The following COL9A3 variants were observed in gnomAD, a reference collection of about 807,000 sequenced individuals.
COL9A3 encodes the protein collagen alpha-3(IX) chain.
A neutral mutation model predicts 110.2 loss-of-function variants in COL9A3; 82 were observed. That is an observed-to-expected ratio of 0.74 (90% CI 0.62 to 0.89). The LOEUF (loss-of-function observed/expected upper bound fraction) is 0.89, where lower values mean the gene tolerates loss of function less well. COL9A3 is among the 40% of genes least tolerant of loss of function. The pLI is 0.00. For synonymous variants in COL9A3, 494 were observed against 403.8 expected, an observed-to-expected ratio of 1.22 and a Z score of -2.68; for missense variants, 1,066 against 981.3, an observed-to-expected ratio of 1.09 and a Z score of -1.15.
At position 62,832,140 on chromosome 20, in the gene COL9A3, C is replaced by G; in HGVS notation, c.1288-14C>G. On this transcript the variant is annotated splice_polypyrimidine_tract_variant and intron_variant, in intron 24 of 31. Transcript: ENST00000649368. ...TGCCATTCCTCTAATCCAGAGCCTT[C>G]TCTCCACATCCAGGGTCCGGGAGGT... 2 of 1,612,432 alleles carry G rather than the reference C, an allele frequency of 1.2e-6. No individual in the cohort carries two copies. Among genetic ancestry groups the G allele is most frequent in the Non-Finnish European group, 1.7e-6 (2 of 1,179,234 alleles).
Position 62,829,819 on chromosome 20 carries a change from G to A in COL9A3, c.1161G>A (p.Ala387=), listed in dbSNP as rs770709536. The A allele has an allele frequency of 5.6e-5, 88 of 1,566,992 alleles. No individual in the cohort carries two copies. Among genetic ancestry groups the A allele is most frequent in the Non-Finnish European group, 6.0e-5 (69 of 1,157,244 alleles). Reference sequence around the variant, plus strand: ...GTGAGGCTGGCCACCGGGGCTCAGCGGTGAGTGCAGGGACATGGCCCGGGG... The same window carrying A: ...GTGAGGCTGGCCACCGGGGCTCAGCAGTGAGTGCAGGGACATGGCCCGGGG... ...ERGEAGHRGS[A]GALGPQGPPG... is the part of the protein sequence containing the mutation. The change falls in exon 22 of 32, where the codon GCG becomes GCA. Residue 387 remains alanine (A), a splice_region_variant and synonymous_variant. Coordinates refer to ENST00000649368, the MANE Select transcript of COL9A3 (RefSeq NM_001853.4).
intron 10 of COL9A3, 95 bp from the exon 11 acceptor site, chr20:62,824,350 G>A: frequency 1.5e-6 from 2 of 1,325,634 alleles, no homozygotes; most frequent in South Asian, 1.3e-5. Context: ...TCACCGTGCA[G>A]AGTGGCCTCC....
At chr20:62,837,530 TG>T (rs1032394797) in intron 30 of COL9A3, among the ~76,000 whole-genome samples, 29 of 152,110 alleles carry the variant, frequency 1.9e-4, no homozygotes, top group Admixed American at 1.3e-4. Flanking sequence ...TGACGAAGGC[TG>T]GGCGCGGTGG....
At chr20:62,838,887 G>C (rs2063654492) in intron 31 of COL9A3, 126 bp downstream of exon 31, 1 of 818,082 alleles carries the variant, frequency 1.2e-6, no homozygotes, top group Non-Finnish European at 2.1e-6. Context: ...AGCAGTCTTA[G>C]AGACAAGATT....
intron 10 of COL9A3, among the ~76,000 whole-genome samples, chr20:62,823,644 G>A (rs1361986102): frequency 1.3e-5 from 2 of 152,236 alleles, no homozygotes; most frequent in Non-Finnish European, 2.9e-5. Flanking sequence ...CTGAAGATAC[G>A]GGTCTGCACC....
At chr20:62,836,110 G>A (rs775219484) in intron 27 of COL9A3, 77 bp from the exon 28 acceptor site, 172 of 1,604,402 alleles carry the variant, frequency 1.1e-4, no homozygotes, top group Admixed American at 3.4e-4. Flanking sequence ...GCTCCGTGCC[G>A]GCTGGGAAAG....
chr20:62,822,478 G>A, intron 9 of COL9A3, 113 bp from the exon 10 acceptor site: 1 of 1,176,250 alleles, frequency 8.5e-7, no homozygotes, highest in South Asian at 1.2e-5. Flanking sequence ...GGGTCTCCAA[G>A]TCCCCTGGTG....
intron 12 of COL9A3, chr20:62,825,572 G>A (rs2063545777): frequency 8.4e-6 from 5 of 598,082 alleles, no homozygotes; most frequent in Non-Finnish European, 1.5e-5. Flanking sequence ...GAGGGGCCTG[G>A]ACAGGGCTGA....
rs1328303757 is a variant in COL9A3 at position 62,826,194 on chromosome 20, T to A, written c.685-10T>A. On this transcript the variant is annotated splice_polypyrimidine_tract_variant and intron_variant, in intron 13 of 31. Transcript: ENST00000649368. ...GCCCCAGCCTCTGCATCTGTGCCTCTCTCTCGCAGGGCCCCCGGGGATTAC... is the reference window on the plus strand; with the variant it reads ...GCCCCAGCCTCTGCATCTGTGCCTCACTCTCGCAGGGCCCCCGGGGATTAC... 1 of 1,558,460 alleles carries A rather than the reference T, an allele frequency of 6.4e-7. No homozygotes were observed. The highest frequency in any genetic ancestry group is 8.7e-7 in the Non-Finnish European group (1 of 1,151,792).
chr20:62,832,942 G>A (rs1475684612), intron 25 of COL9A3, 78 bp from the exon 26 acceptor site: 32 of 1,331,230 alleles, frequency 2.4e-5, no homozygotes, highest in African/African-American at 4.4e-5. Context: ...ACGGAGGCTT[G>A]AGAGCAGGGA....
rs2063567563 is a variant in COL9A3, at chr20:62,827,965, A to C, written c.889A>C (p.Ser297Arg). 6.2e-7 allele frequency: 1 copy of C among 1,612,938 alleles called. No individual in the cohort carries two copies. Among genetic ancestry groups the C allele is most frequent in the East Asian group, 2.2e-5 (1 of 44,878 alleles). ...PKGTPGVAGP[S>R]GEPGMPGKDG... is the part of the protein sequence containing the mutation. Reference sequence around the variant, plus strand: ...GGGAACCCCCGGAGTGGCCGGGCCAAGCGGAGAGCCGGTGAGTGCACGTGG... The same window carrying C: ...GGGAACCCCCGGAGTGGCCGGGCCACGCGGAGAGCCGGTGAGTGCACGTGG... The change falls in exon 17 of 32, where the codon AGC (serine) becomes CGC (arginine). Residue 297 changes from serine to arginine, a missense_variant. By Grantham distance (110) the Ser-to-Arg change is moderately radical. Transcript: ENST00000649368.
At chr20:62,827,821 G>A (rs963792071) in intron 16 of COL9A3, 102 bp from the exon 17 acceptor site, 10 of 1,301,014 alleles carry the variant, frequency 7.7e-6, no homozygotes, top group African/African-American at 2.9e-5. Flanking sequence ...CCCTGCCGCT[G>A]CCCACCATAG....
intron 25 of COL9A3, 106 bp from the exon 26 acceptor site, chr20:62,832,914 A>C (rs1477247956): frequency 9.1e-7 from 1 of 1,095,478 alleles, no homozygotes; most frequent in Non-Finnish European, 1.4e-6. Context: ...CCTCGACCTT[A>C]AGATGAACAT....
intron 7 of COL9A3, 58 bp downstream of exon 7, chr20:62,821,588 A>C (rs937535647): frequency 1.2e-6 from 2 of 1,610,826 alleles, no homozygotes; most frequent in African/African-American, 2.7e-5. Flanking sequence ...AGAGCCTGCC[A>C]GGCTGGGATG....
chr20:62,826,626 A>G (rs1338786414), intron 14 of COL9A3, 141 bp from the exon 15 acceptor site: 3 of 851,282 alleles, frequency 3.5e-6, no homozygotes, highest in Non-Finnish European at 5.8e-6. Flanking sequence ...TTTGGAGACT[A>G]CTAGGTGGCA....
rs113952932 is a variant in COL9A3, at chr20:62,822,028, G to A, written c.424-83G>A. On this transcript the variant is annotated intron_variant, in intron 8 of 31. Transcript: ENST00000649368. ...GAGTGGGGGCTGGTGGGAGCTGGGC[G>A]TGTCCACCTCCCTGGGAGAAGCCGG... The A allele has an allele frequency of 8.3e-3, 7,465 of 900,198 alleles. 52 individuals are homozygous for A. Among genetic ancestry groups the A allele is most frequent in the Non-Finnish European group, 9.9e-3 (5,272 of 530,276 alleles). The allele number at this position is 900,198 out of a possible 1,614,324, so 55.8% of individuals were successfully genotyped here.
At chr20:62,827,417 C>A in intron 16 of COL9A3, 123 bp downstream of exon 16, 1 of 1,036,556 alleles carries the variant, frequency 9.6e-7, no homozygotes, top group South Asian at 1.4e-5. Context: ...CTGGGTGGGC[C>A]TGGGGGTGCG....
In COL9A3 at chr20:62,821,772, AGCGGCCCCCCAGGTGGGATCGGCCTCC is replaced by A. The variant is rs1441440418; in HGVS notation, c.396_422del (p.Gly134_Gly142del). On this transcript the variant is annotated inframe_deletion, in exon 8 of 32. Transcript: ENST00000649368. ...TTCCCTCCAGGGAGAGGCAGGAGTG[AGCGGCCCCCCAGGTGGGATCGGCCTCC>A]GCGGCCCCCCGGTGAGTGGCTGTCC... is the stretch of plus-strand genomic sequence containing the variant. 5.0e-6 allele frequency: 8 copies of A among 1,610,510 alleles called. No individual in the cohort carries two copies. Among genetic ancestry groups the A allele is most frequent in the East Asian group, 2.2e-5 (1 of 44,860 alleles).
intron 4 of COL9A3, among the ~76,000 whole-genome samples, chr20:62,819,712 G>A (rs531844797): frequency 6.6e-5 from 10 of 152,280 alleles, no homozygotes; most frequent in East Asian, 3.9e-4. Flanking sequence ...AGGTGCCTCC[G>A]TTGCTGGCTT....
Sources: gnomAD v4.1 joint callset for allele counts (sites outside exome capture counted in the v4.1 genomes callset) on GRCh38, gnomAD v4.1.1 for gene constraint, MANE v1.5 for transcripts, NCBI Gene and HGNC (gene_info 2026-07-23, HGNC 2026-07-21) for gene names.